The following TSN variants were observed in gnomAD, a reference collection of about 807,000 sequenced individuals.
TSN encodes the protein translin.
A neutral mutation model predicts 29.4 loss-of-function variants in TSN; 5 were observed. The observed-to-expected ratio is 0.17, with a 90% CI of 0.09 to 0.36. The LOEUF (loss-of-function observed/expected upper bound fraction) is 0.36, where lower values mean the gene tolerates loss of function less well. TSN is among the 10% of genes least tolerant of loss of function. The pLI is 1.00. For missense variants in TSN, 159 were observed against 272.8 expected (o/e 0.58, Z 2.94); for synonymous variants, 106 against 102.2 (o/e 1.04, Z -0.23).
chr2:121,758,763 C>A lies in TSN; in HGVS notation c.214C>A (p.Leu72Ile), dbSNP rs1489186813. The change falls in exon 3 of 6, where the codon CTA becomes ATA. Residue 72 changes from leucine to isoleucine, a missense_variant. Coordinates refer to ENST00000389682, the MANE Select transcript of TSN (RefSeq NM_004622.3). The part of the protein sequence containing the change: ...REHFGTVKTH[L>I]TSLKTKFPAE... ...ACATTTTGGTACAGTAAAAACACAT[C>A]TAACATCTTTGAAGACCAAATTTCC... is the stretch of plus-strand genomic sequence containing the variant. The A allele has an allele frequency of 1.3e-6, 2 of 1,594,592 alleles. No homozygotes were observed. Among genetic ancestry groups the A allele is most frequent in the South Asian group, 1.2e-5 (1 of 85,780 alleles).
intron 3 of TSN, among the ~76,000 whole-genome samples, chr2:121,760,182 C>T (rs1022836588): frequency 2.6e-5 from 4 of 152,226 alleles, no homozygotes; most frequent in Admixed American, 2.0e-4. Context: ...AGATTGGTGG[C>T]AGCATTCGAT....
At position 121,767,801 on chromosome 2, in the gene TSN, C is replaced by A. The variant is rs1304250441; in HGVS notation, c.*2434C>A. On this transcript the variant is annotated 3_prime_UTR_variant, in exon 6 of 6. Coordinates refer to ENST00000389682, the MANE Select transcript of TSN (RefSeq NM_004622.3). ...ATGCAGGTCGCTACTGGCATAGTTT[C>A]ATAATTGTGTACTCGGAAATTAAAG... is the stretch of plus-strand genomic sequence containing the variant. The A allele has an allele frequency of 6.6e-6, 1 of 152,130 alleles. No homozygotes were observed. The highest frequency in any genetic ancestry group is 6.6e-5 in the Admixed American group (1 of 15,254). The allele number at this position is 152,130 out of a possible 1,614,324, so 9.4% of individuals were successfully genotyped here. A position where few individuals can be genotyped will look rare whatever the true frequency, so the allele number is the denominator to read the frequency against.
intron 5 of TSN, 151 bp from the exon 6 acceptor site, chr2:121,764,983 G>T: frequency 1.4e-6 from 1 of 705,602 alleles, no homozygotes; most frequent in Non-Finnish European, 2.5e-6. Context: ...TTTCAGAGAA[G>T]CTCCTGTCTT....
intron 1 of TSN, 151 bp downstream of exon 1, chr2:121,755,996 C>G: frequency 1.4e-6 from 2 of 1,460,986 alleles, no homozygotes; most frequent in Non-Finnish European, 1.8e-6. Flanking sequence ...CACTCCCCGC[C>G]CCCGCCCAAA....
chr2:121,762,948 A>G (rs2074851015), intron 4 of TSN, 57 bp from the exon 5 acceptor site: 1 of 1,454,422 alleles, frequency 6.9e-7, no homozygotes, highest in Non-Finnish European at 9.4e-7. Context: ...GTATATTTTT[A>G]TATTCTGAGG....
At chr2:121,761,614 A>G in intron 4 of TSN, 90 bp downstream of exon 4, 1 of 1,032,254 alleles carries the variant, frequency 9.7e-7, no homozygotes, top group Non-Finnish European at 1.5e-6. Flanking sequence ...TTATTAAAAC[A>G]AACAAGAATT....
chr2:121,756,367 T>C, intron 1 of TSN: 1 of 242,720 alleles, frequency 4.1e-6, no homozygotes, highest in South Asian at 4.0e-5. Context: ...TGGAATTTGC[T>C]TCTTTCCCGT....
intron 3 of TSN, among the ~76,000 whole-genome samples, chr2:121,759,708 A>AT (rs2074796367): frequency 6.6e-6 from 1 of 152,126 alleles, no homozygotes; most frequent in Non-Finnish European, 1.5e-5. Flanking sequence ...GTTTCTACTT[A>AT]TTTTAATTTT....
chr2:121,758,607 G>GT (rs1183709416), intron 2 of TSN, 103 bp from the exon 3 acceptor site: 4 of 838,836 alleles, frequency 4.8e-6, no homozygotes, highest in Admixed American at 3.6e-5. Context: ...TAGTTGTGAG[G>GT]TTTTTTTGTT....
intron 1 of TSN, 79 bp downstream of exon 1, chr2:121,755,924 C>G: frequency 8.1e-6 from 13 of 1,597,376 alleles, no homozygotes; most frequent in Non-Finnish European, 1.1e-5. Flanking sequence ...CTCTGTCGCT[C>G]AGTCTCGGGC....
At chr2:121,761,079 A>G (rs2074820583) in intron 3 of TSN, among the ~76,000 whole-genome samples, 2 of 152,098 alleles carry the variant, frequency 1.3e-5, no homozygotes, top group African/African-American at 4.8e-5. Flanking sequence ...CATGTTGGCC[A>G]GGCTGGTCTT....
chr2:121,761,220 T>G (rs1483135447), intron 3 of TSN, among the ~76,000 whole-genome samples, 189 bp from the exon 4 acceptor site: 1 of 152,224 alleles, frequency 6.6e-6, no homozygotes. Context: ...CTGATTAAAC[T>G]TAATTGTTAT....
intron 3 of TSN, 132 bp downstream of exon 3, chr2:121,758,938 A>G (rs1471941583): frequency 7.8e-6 from 4 of 515,918 alleles, no homozygotes; most frequent in African/African-American, 4.0e-5. Flanking sequence ...AAACCGAACT[A>G]ATAATGGTCA....
At position 121,765,310 on chromosome 2, in the gene TSN, T is replaced by C. The variant is rs559345516; in HGVS notation, c.630T>C (p.Tyr210=). ...YDVKKVEEVV[Y]DLSIRGFNKE... The stretch of plus-strand genomic sequence containing the variant: ...TGAAGAAAGTAGAGGAAGTGGTCTA[T>C]GATCTCTCCATCCGGGGCTTTAATA... The change falls in exon 6 of 6, where the codon TAT becomes TAC. Residue 210 remains tyrosine (Y), a synonymous_variant. Coordinates refer to ENST00000389682, the MANE Select transcript of TSN (RefSeq NM_004622.3). 1.9e-6 allele frequency: 3 copies of C among 1,614,240 alleles called. No homozygotes were observed. Among genetic ancestry groups the C allele is most frequent in the East Asian group, 2.2e-5 (1 of 44,888 alleles).
At chr2:121,762,871 GAATATATTA>G in intron 4 of TSN, 125 bp from the exon 5 acceptor site, 1 of 766,412 alleles carries the variant, frequency 1.3e-6, no homozygotes, top group Non-Finnish European at 2.0e-6. Context: ...CCAAGGTTGT[GAATATATTA>G]AAAAGCCAGT....
chr2:121,766,585 TGTTGGTGGTCTTCCCC>T lies in TSN; in HGVS notation c.*1219_*1234del, dbSNP rs2074904678. 1 of 152,212 alleles carries T rather than the reference TGTTGGTGGTCTTCCCC, an allele frequency of 6.6e-6. No individual in the cohort carries two copies. The highest frequency in any genetic ancestry group is 6.5e-5 in the Admixed American group (1 of 15,278). 9.4% of individuals were successfully genotyped at this position (152,212 alleles called of 1,614,324 possible). On this transcript the variant is annotated 3_prime_UTR_variant, in exon 6 of 6. Coordinates refer to ENST00000389682, the MANE Select transcript of TSN (RefSeq NM_004622.3). ...AGTTTGGGGCAAGTCATGTAAATAC[TGTTGGTGGTCTTCCCC>T]ACACGCCCCAATTTTCAGGTAGTAC...
At chr2:121,756,084 C>T (rs999935233) in intron 1 of TSN, 17 of 814,176 alleles carry the variant, frequency 2.1e-5, no homozygotes, top group Non-Finnish European at 2.9e-5. Flanking sequence ...TGTCAGTTTT[C>T]CTTCTTTTCA....
At chr2:121,758,664 T>C in intron 2 of TSN, 46 bp from the exon 3 acceptor site, 5 of 1,429,794 alleles carry the variant, frequency 3.5e-6, no homozygotes, top group East Asian at 2.4e-5. Context: ...AAGAACTGTA[T>C]TTGAAATTTG....
At chr2:121,758,997 C>T (rs2074785750) in intron 3 of TSN, among the ~76,000 whole-genome samples, 191 bp downstream of exon 3, 2 of 151,992 alleles carry the variant, frequency 1.3e-5, no homozygotes, top group Non-Finnish European at 1.5e-5. Flanking sequence ...CTGTCTAAAT[C>T]TTAAGGAACA....
Sources: allele counts gnomAD v4.1 joint callset (sites outside exome capture counted in the v4.1 genomes callset), GRCh38; gene constraint gnomAD v4.1.1; transcripts MANE v1.5; gene names NCBI Gene and HGNC (gene_info 2026-07-23, HGNC 2026-07-21).